Variants in LEKR1 observed in about 807,000 individuals in gnomAD.
The protein encoded by LEKR1 is leucine, glutamate and lysine rich 1.
A neutral mutation model predicts 72.4 loss-of-function variants in LEKR1; 59 were observed. The observed-to-expected ratio is 0.82, with a 90% CI of 0.66 to 1.01. LEKR1 has a LOEUF of 1.01. Ranked by LOEUF, LEKR1 falls within the 50% of genes least tolerant of loss-of-function variation. LEKR1 has a pLI of 0.00. For missense variants in LEKR1, 728 were observed against 759.2 expected (o/e 0.96, Z 0.48); for synonymous variants, 257 against 263.2 (o/e 0.98, Z 0.23).
chr3:156,972,300 A>G (rs1576924534), intron 6 of LEKR1, among the ~76,000 whole-genome samples: 1 of 151,506 alleles, frequency 6.6e-6, no homozygotes, highest in African/African-American at 2.4e-5. Flanking sequence ...ATGAGAATAC[A>G]TGGACACAGG....
At chr3:156,931,771 A>G (rs1725249457) in intron 5 of LEKR1, among the ~76,000 whole-genome samples, 1 of 152,024 alleles carries the variant, frequency 6.6e-6, no homozygotes, top group Non-Finnish European at 1.5e-5. Flanking sequence ...TTTCATTTAT[A>G]CGATGTTCTA....
chr3:157,027,524 C>T (rs997930152), intron 11 of LEKR1, among the ~76,000 whole-genome samples: 1 of 152,078 alleles, frequency 6.6e-6, no homozygotes, highest in African/African-American at 2.4e-5. Flanking sequence ...CTTGTCAAGA[C>T]TTGAGCTGAG....
chr3:156,909,565 C>T (rs1465144530), intron 3 of LEKR1, among the ~76,000 whole-genome samples: 8 of 149,938 alleles, frequency 5.3e-5, no homozygotes, highest in Non-Finnish European at 1.2e-4. Flanking sequence ...GCAGGAGAAT[C>T]GTTTGAACCC....
intron 3 of LEKR1, among the ~76,000 whole-genome samples, chr3:156,887,591 T>G (rs1720239260): frequency 6.6e-6 from 1 of 152,154 alleles, no homozygotes; most frequent in South Asian, 2.1e-4. Context: ...TTATACATTC[T>G]GATGTACATA....
chr3:157,004,255 A>G (rs1732238304), intron 9 of LEKR1, among the ~76,000 whole-genome samples: 2 of 152,190 alleles, frequency 1.3e-5, no homozygotes, highest in Admixed American at 6.5e-5. Context: ...AATGATAAGT[A>G]GGTCAACTCA....
At chr3:157,044,839 AT>A (rs1577037478) in intron 12 of LEKR1, among the ~76,000 whole-genome samples, 1 of 152,228 alleles carries the variant, frequency 6.6e-6, no homozygotes, top group East Asian at 1.9e-4. Flanking sequence ...GCTATAGCTG[AT>A]TTTTTTATTC....
intron 6 of LEKR1, 134 bp from the exon 7 acceptor site, chr3:156,979,060 T>C (rs2107998734): frequency 2.6e-6 from 1 of 386,358 alleles, no homozygotes; most frequent in South Asian, 2.0e-5. Context: ...CATATGGACA[T>C]ACAGGCAAAG....
chr3:156,959,030 C>CT (rs1449368087), intron 6 of LEKR1, among the ~76,000 whole-genome samples: 1 of 152,102 alleles, frequency 6.6e-6, no homozygotes, highest in African/African-American at 2.4e-5. Context: ...TGACTTATGT[C>CT]TGTAAGATTT....
At chr3:156,991,350 T>C (rs1731132839) in intron 7 of LEKR1, among the ~76,000 whole-genome samples, 1 of 152,010 alleles carries the variant, frequency 6.6e-6, no homozygotes, top group African/African-American at 2.4e-5. Context: ...TTCTGTATCT[T>C]ACAATTTTGT....
intron 3 of LEKR1, among the ~76,000 whole-genome samples, chr3:156,880,613 C>G (rs1396611647): frequency 6.6e-6 from 1 of 152,102 alleles, no homozygotes; most frequent in Admixed American, 6.6e-5. Context: ...CTATTCCAAT[C>G]AATAGAAAAA....
intron 7 of LEKR1, among the ~76,000 whole-genome samples, chr3:156,981,042 C>T (rs959658495): frequency 6.6e-6 from 1 of 152,152 alleles, no homozygotes; most frequent in Non-Finnish European, 1.5e-5. Flanking sequence ...TATGCAAATA[C>T]TTACCATTGT....
At chr3:157,006,044 G>A (rs929078358) in intron 9 of LEKR1, among the ~76,000 whole-genome samples, 3 of 150,868 alleles carry the variant, frequency 2.0e-5, no homozygotes, top group Admixed American at 6.6e-5. Flanking sequence ...TGTCGCCCAG[G>A]CCGGACTGCG....
chr3:156,982,777 T>C (rs555275338), intron 7 of LEKR1, among the ~76,000 whole-genome samples: 1 of 152,266 alleles, frequency 6.6e-6, no homozygotes, highest in African/African-American at 2.4e-5. Context: ...AATCTAGTTC[T>C]ATTGCTTTTA....
chr3:156,892,781 C>A (rs1405686733), intron 3 of LEKR1, among the ~76,000 whole-genome samples: 1 of 152,172 alleles, frequency 6.6e-6, no homozygotes. Context: ...ACCAATCAAT[C>A]TTCTTATTAA....
intron 6 of LEKR1, among the ~76,000 whole-genome samples, chr3:156,970,192 T>TTTG (rs1291439315): frequency 1.3e-5 from 2 of 152,208 alleles, no homozygotes; most frequent in African/African-American, 4.8e-5. Context: ...ACTGGAAGCA[T>TTTG]TCCCTTTGAA....
rs6770060 is a variant in LEKR1 at position 157,032,333 on chromosome 3, T to A, written c.1668+3931T>A. 4.4e-3 allele frequency among the ~76,000 whole-genome samples: 663 copies of A among 152,324 alleles called. 2 individuals carry two copies. The highest frequency in any genetic ancestry group is 0.015 in the African/African-American group (639 of 41,574). Reference sequence around the variant, plus strand: ...TACAGATAGTTCAATATTTTTGTTGTTTGAAGACCACACATAAGGGAGCCA... The same window carrying A: ...TACAGATAGTTCAATATTTTTGTTGATTGAAGACCACACATAAGGGAGCCA... On this transcript the variant is annotated intron_variant, in intron 12 of 12. Transcript: ENST00000356539.
chr3:157,017,106 T>C (rs971662590), intron 10 of LEKR1, among the ~76,000 whole-genome samples: 1 of 152,130 alleles, frequency 6.6e-6, no homozygotes, highest in African/African-American at 2.4e-5. Flanking sequence ...GACCAGTTAG[T>C]TAATATTTTT....
Position 157,012,602 on chromosome 3 carries a change from C to T in LEKR1, c.1203+1096C>T, listed in dbSNP as rs1042687193. On this transcript the variant is annotated intron_variant, in intron 10 of 12. Transcript: ENST00000356539. ...CAATCTTCAAACAGTTGGCCATACT[C>T]AGCCAATAGTAGCCCTCTAAAAACA... Among the ~76,000 whole-genome samples, 9 of 152,082 alleles carry T rather than the reference C, an allele frequency of 5.9e-5. No individual in the cohort carries two copies. The South Asian group carries it at 1.7e-3, about 28-fold the overall frequency.
chr3:156,862,714 G>A (rs1664910509), intron 3 of LEKR1, among the ~76,000 whole-genome samples: 1 of 151,954 alleles, frequency 6.6e-6, no homozygotes, highest in Non-Finnish European at 1.5e-5. Context: ...GGAAGTTCTT[G>A]AGTCTAGGAA....
Sources: allele counts gnomAD v4.1 joint callset (sites outside exome capture counted in the v4.1 genomes callset), GRCh38; gene constraint gnomAD v4.1.1; transcripts MANE v1.5; gene names NCBI Gene and HGNC (gene_info 2026-07-23, HGNC 2026-07-21).